The following PCDHGA9 variants were observed in gnomAD, a reference collection of about 807,000 sequenced individuals.
PCDHGA9 encodes the protein protocadherin gamma-A9.
A neutral mutation model predicts 62.5 loss-of-function variants in PCDHGA9; 37 were observed. That is an observed-to-expected ratio of 0.59 (90% CI 0.46 to 0.78). PCDHGA9 has a LOEUF of 0.78. Ranked by LOEUF, PCDHGA9 falls within the 30% of genes least tolerant of loss-of-function variation. The pLI is 0.00. For missense variants in PCDHGA9, 1,138 were observed against 1,166.2 expected (o/e 0.98, Z 0.35); for synonymous variants, 459 against 484.6 (o/e 0.95, Z 0.69).
In PCDHGA9 at chr5:141,455,253, C is replaced by A. The variant is rs187877877; in HGVS notation, c.2425-39554C>A. 2.8e-3 allele frequency among the ~76,000 whole-genome samples: 433 copies of A among 151,986 alleles called. 1 individual carries two copies. Among genetic ancestry groups the A allele is most frequent in the Admixed American group, 0.021 (319 of 15,266 alleles). ...AAAATGTTAAAGGTCATAGTACAAT[C>A]GCATTTCTTCCCATTGATTATTAAC... is the stretch of plus-strand genomic sequence containing the variant. On this transcript the variant is annotated intron_variant, in intron 1 of 3. Coordinates refer to ENST00000573521, the MANE Select transcript of PCDHGA9 (RefSeq NM_018921.3).
intron 1 of PCDHGA9, chr5:141,427,842 C>T: frequency 6.5e-7 from 1 of 1,549,268 alleles, no homozygotes. Flanking sequence ...TGCCTTCGAC[C>T]ACGAGCAGCT....
intron 2 of PCDHGA9, among the ~76,000 whole-genome samples, chr5:141,501,015 C>T (rs950216755): frequency 6.6e-5 from 10 of 151,866 alleles, no homozygotes; most frequent in African/African-American, 2.4e-4. Context: ...ACTACAGGCA[C>T]GCGCCACCAC....
Position 141,413,755 on chromosome 5 carries a change from A to T in PCDHGA9, c.2424+8379A>T, listed in dbSNP as rs199577406. On this transcript the variant is annotated intron_variant, in intron 1 of 3. Transcript: ENST00000573521. ...AGTTCAGAGCCGTGCCAATGGCGTC[A>T]AGTACCCGGAGCTGGTACTGGAGCA... 1.6e-4 allele frequency: 266 copies of T among 1,612,936 alleles called. 3 individuals carry two copies. In the South Asian group the frequency reaches 2.3e-3, roughly 14 times the overall value.
Position 141,408,360 on chromosome 5 carries a change from A to G in PCDHGA9, c.2424+2984A>G, listed in dbSNP as rs373951875. 2.4e-5 allele frequency: 38 copies of G among 1,613,808 alleles called. No homozygotes were observed. In the African/African-American group the frequency reaches 3.7e-4, roughly 16 times the overall value. ...TCGGTGGTGGGGAACCTCGCTAAGG[A>G]TCTAGGGCTCAGTGTCCTGGATGTG... On this transcript the variant is annotated intron_variant, in intron 1 of 3. Coordinates refer to ENST00000573521, the MANE Select transcript of PCDHGA9 (RefSeq NM_018921.3).
chr5:141,427,971 C>T (rs764145525), intron 1 of PCDHGA9: 1 of 1,593,512 alleles, frequency 6.3e-7, no homozygotes, highest in African/African-American at 1.3e-5. Flanking sequence ...GGTGCTGTAC[C>T]CCGCGCTGGG....
intron 1 of PCDHGA9, among the ~76,000 whole-genome samples, chr5:141,406,715 A>G (rs2094843333): frequency 6.6e-6 from 1 of 152,252 alleles, no homozygotes; most frequent in Non-Finnish European, 1.5e-5. Flanking sequence ...CTTGCTCAAG[A>G]GAAGTTTCTA....
Position 141,408,181 on chromosome 5 carries a change from C to G in PCDHGA9, c.2424+2805C>G, listed in dbSNP as rs1304952667. ...TTTCTCCAACTGGAAAAGCGGGGAC[C>G]CAGCGAGAACCCGAGCGAACGATGG... On this transcript the variant is annotated intron_variant, in intron 1 of 3. Coordinates refer to ENST00000573521, the MANE Select transcript of PCDHGA9 (RefSeq NM_018921.3). The G allele has an allele frequency of 1.6e-5, 24 of 1,536,932 alleles. No individual in the cohort carries two copies. In the East Asian group the frequency reaches 5.6e-4, roughly 36 times the overall value.
At chr5:141,461,820 A>AT (rs1458631685) in intron 1 of PCDHGA9, among the ~76,000 whole-genome samples, 5 of 147,814 alleles carry the variant, frequency 3.4e-5, no homozygotes, top group African/African-American at 7.5e-5. Context: ...CACCCAGCTA[A>AT]TTTTTTTTTC....
Position 141,491,900 on chromosome 5 carries a change from G to C in PCDHGA9, c.2425-2907G>C. ...TAAGGGATGGGGCTCCGAGCACCGG[G>C]GGTGGTGGCGACTGTGGGCGAGGGG... On this transcript the variant is annotated intron_variant, in intron 1 of 3. Transcript: ENST00000573521. This position sits in a 1 kb window ranked among gnomAD's most constrained non-coding sequence, Gnocchi z 6.9. 1 of 1,429,936 alleles carries C rather than the reference G, an allele frequency of 7.0e-7. No homozygotes were observed. Among genetic ancestry groups the C allele is most frequent in the South Asian group, 1.5e-5 (1 of 67,072 alleles). 88.6% of individuals were successfully genotyped at this position (1,429,936 alleles called of 1,614,324 possible). A position where few individuals can be genotyped will look rare whatever the true frequency, so the allele number is the denominator to read the frequency against.
intron 1 of PCDHGA9, among the ~76,000 whole-genome samples, chr5:141,459,646 T>C (rs2098972004): frequency 6.6e-6 from 1 of 152,266 alleles, no homozygotes; most frequent in Non-Finnish European, 1.5e-5. Context: ...TTTTTCAAAA[T>C]GGTAATATCA....
intron 1 of PCDHGA9, chr5:141,416,685 A>T (rs1292141199): frequency 1.3e-5 from 2 of 152,384 alleles, no homozygotes; most frequent in East Asian, 3.9e-4. Flanking sequence ...AAGGGAAATT[A>T]TATAAACAAA....
intron 1 of PCDHGA9, among the ~76,000 whole-genome samples, chr5:141,454,491 C>T (rs956727548): frequency 6.6e-6 from 1 of 152,194 alleles, no homozygotes; most frequent in South Asian, 2.1e-4. Context: ...ACCGCAACCT[C>T]CACCTCCTGG....
intron 1 of PCDHGA9, among the ~76,000 whole-genome samples, chr5:141,439,251 A>G (rs1467023466): frequency 6.6e-6 from 1 of 152,112 alleles, no homozygotes; most frequent in Non-Finnish European, 1.5e-5. Context: ...ATTTCAGCTG[A>G]AGATTCAGCC....
At chr5:141,412,917 G>C (rs918712966) in intron 1 of PCDHGA9, 2 of 410,214 alleles carry the variant, frequency 4.9e-6, no homozygotes, top group African/African-American at 2.1e-5. Context: ...GTATCACTTG[G>C]GTGCAGTAAC....
intron 1 of PCDHGA9, chr5:141,408,741 T>C: frequency 6.2e-7 from 1 of 1,610,092 alleles, no homozygotes; most frequent in Non-Finnish European, 8.5e-7. Context: ...TATTTTTCAT[T>C]AATGGTTAGA....
At position 141,478,749 on chromosome 5, in the gene PCDHGA9, G is replaced by A. The variant is rs1306895064; in HGVS notation, c.2425-16058G>A. On this transcript the variant is annotated intron_variant, in intron 1 of 3. Coordinates refer to ENST00000573521, the MANE Select transcript of PCDHGA9 (RefSeq NM_018921.3). ...GAGTGTGGTTTGTGGTCCCATTTCA[G>A]GGGGAAGATACTTGACTCATCTGTG... The A allele has an allele frequency of 3.3e-6, 5 of 1,524,326 alleles. No homozygotes were observed. The South Asian group carries it at 6.4e-5, about 19-fold the overall frequency. The allele number at this position is 1,524,326 out of a possible 1,614,324, so 94.4% of individuals were successfully genotyped here.
chr5:141,505,078 C>G (rs535590642), intron 2 of PCDHGA9, among the ~76,000 whole-genome samples: 81 of 152,298 alleles, frequency 5.3e-4, no homozygotes, highest in African/African-American at 2.0e-3. Flanking sequence ...AGGAGAATCG[C>G]TTGAACCCAG....
chr5:141,507,872 C>T (rs2099864458), intron 3 of PCDHGA9, among the ~76,000 whole-genome samples: 1 of 152,168 alleles, frequency 6.6e-6, no homozygotes, highest in African/African-American at 2.4e-5. Flanking sequence ...GCTTCCTAGC[C>T]CTGAAACCAG....
At chr5:141,468,140 C>T (rs910524133) in intron 1 of PCDHGA9, among the ~76,000 whole-genome samples, 3 of 151,942 alleles carry the variant, frequency 2.0e-5, no homozygotes, top group African/African-American at 7.2e-5. Flanking sequence ...GCCTGGCCAA[C>T]ATGGTGAAAC....
Sources: allele counts gnomAD v4.1 joint callset (sites outside exome capture counted in the v4.1 genomes callset), GRCh38; gene constraint gnomAD v4.1.1; non-coding constraint Gnocchi (gnomAD v3.1); transcripts MANE v1.5; gene names NCBI Gene and HGNC (gene_info 2026-07-23, HGNC 2026-07-21).